The following INO80 variants were observed in gnomAD, a reference collection of about 807,000 sequenced individuals.
The protein encoded by INO80 is chromatin-remodeling ATPase INO80.
A neutral mutation model predicts 203.4 loss-of-function variants in INO80; 20 were observed. The ratio of observed to expected loss-of-function variants is 0.10; its 90% CI spans 0.07 to 0.14. INO80 has a LOEUF of 0.14. INO80 is among the 10% of genes least tolerant of loss of function. INO80 has a pLI of 1.00. For synonymous variants in INO80, 726 were observed against 685.2 expected (o/e 1.06, Z -0.93); for missense variants, 1,419 against 1,914.4 (o/e 0.74, Z 4.83).
chr15:41,076,128 A>C (rs1476173429), intron 9 of INO80, among the ~76,000 whole-genome samples: 1 of 152,180 alleles, frequency 6.6e-6, no homozygotes, highest in African/African-American at 2.4e-5. Context: ...TGGGAGACCA[A>C]GGCTGGCAGA....
rs554721874 is a variant in INO80, at chr15:40,994,223, C to T, written c.3570+3306G>A. Among the ~76,000 whole-genome samples, 9 of 152,234 alleles carry T rather than the reference C, an allele frequency of 5.9e-5. No individual in the cohort carries two copies. The East Asian group carries it at 7.7e-4, about 13-fold the overall frequency. ...TCTGCCAGGTATATGCTTAGGTTGC[C>T]GCCTTACTTTCTTCAGATCTTGGCT... On this transcript the variant is annotated intron_variant, in intron 29 of 35. Coordinates refer to ENST00000648947, the MANE Select transcript of INO80 (RefSeq NM_017553.3).
intron 29 of INO80, among the ~76,000 whole-genome samples, chr15:40,993,497 CCTGTAATCCCAGCA>C (rs2043841292): frequency 6.6e-6 from 1 of 152,144 alleles, no homozygotes; most frequent in African/African-American, 2.4e-5. Flanking sequence ...GTGGCTCACG[CCTGTAATCCCAGCA>C]CTTTGGGAGG....
chr15:41,043,837 T>C (rs1489562153), intron 24 of INO80, among the ~76,000 whole-genome samples: 1 of 152,198 alleles, frequency 6.6e-6, no homozygotes, highest in African/African-American at 2.4e-5. Context: ...ATAACTTCAG[T>C]TCCTGTCACC....
chr15:41,088,635 A>G (rs1229648957), intron 5 of INO80, among the ~76,000 whole-genome samples: 2 of 152,134 alleles, frequency 1.3e-5, no homozygotes, highest in African/African-American at 4.8e-5. Flanking sequence ...CCCAAATCTC[A>G]TATTAATTTT....
intron 28 of INO80, among the ~76,000 whole-genome samples, chr15:41,000,998 C>T (rs990074248): frequency 2.6e-5 from 4 of 152,226 alleles, no homozygotes; most frequent in African/African-American, 9.6e-5. Flanking sequence ...ATAAGAATTG[C>T]AGACACCTTG....
intron 25 of INO80, 87 bp from the exon 26 acceptor site, chr15:41,021,212 T>C (rs1199456638): frequency 1.2e-6 from 1 of 840,114 alleles, no homozygotes; most frequent in African/African-American, 1.7e-5. Flanking sequence ...GAAATCAGAC[T>C]AATGTGGATA....
intron 24 of INO80, among the ~76,000 whole-genome samples, chr15:41,039,615 A>C (rs1478181774): frequency 6.6e-6 from 1 of 152,226 alleles, no homozygotes; most frequent in Non-Finnish European, 1.5e-5. Flanking sequence ...GGTAGCCTAG[A>C]GCAATGAAAA....
chr15:40,987,753 G>C (rs2043760219), intron 30 of INO80, 63 bp downstream of exon 30: 1 of 1,449,732 alleles, frequency 6.9e-7, no homozygotes. Context: ...TCTCAATGCA[G>C]TCAATGTGGT....
At chr15:40,990,610 A>G (rs1050581977) in intron 29 of INO80, among the ~76,000 whole-genome samples, 4 of 152,238 alleles carry the variant, frequency 2.6e-5, no homozygotes, top group Admixed American at 6.5e-5. Flanking sequence ...GTCACCGTGA[A>G]TGCTTATTGT....
At chr15:41,093,730 C>T in intron 4 of INO80, among the ~76,000 whole-genome samples, 1 of 151,766 alleles carries the variant, frequency 6.6e-6, no homozygotes, top group East Asian at 2.0e-4. Context: ...GGCCTGTAGT[C>T]CTACTTCACA....
At position 40,982,884 on chromosome 15, in the gene INO80, T is replaced by TGCGGCATAGGCA; in HGVS notation, c.4419_4430dup (p.Ala1474_Ala1477dup). On this transcript the variant is annotated inframe_insertion, in exon 35 of 36. Coordinates refer to ENST00000648947, the MANE Select transcript of INO80 (RefSeq NM_017553.3). ...TACCTTTAGACACGTTGTACCCGTA[T>TGCGGCATAGGCA]GCGGCATAGGCAGCTGCAGAGGCCG... The TGCGGCATAGGCA allele has an allele frequency of 1.2e-6, 2 of 1,613,522 alleles. No individual in the cohort carries two copies. Among genetic ancestry groups the TGCGGCATAGGCA allele is most frequent in the Non-Finnish European group, 8.5e-7 (1 of 1,179,980 alleles).
At chr15:41,068,881 CAT>C (rs775098921) in intron 14 of INO80, among the ~76,000 whole-genome samples, 2 of 151,280 alleles carry the variant, frequency 1.3e-5, no homozygotes, top group East Asian at 3.9e-4. Context: ...AAAAACAAGA[CAT>C]GTATTAAAAA....
chr15:40,995,023 T>C (rs1174411554), intron 29 of INO80, among the ~76,000 whole-genome samples: 2 of 152,152 alleles, frequency 1.3e-5, no homozygotes, highest in Non-Finnish European at 2.9e-5. Flanking sequence ...ATACGGCTAA[T>C]TTTTGTATAT....
chr15:41,036,464 A>G (rs1431855487), intron 24 of INO80, among the ~76,000 whole-genome samples: 1 of 152,140 alleles, frequency 6.6e-6, no homozygotes, highest in Non-Finnish European at 1.5e-5. Context: ...AATAAGATCA[A>G]TGAATGATCA....
intron 18 of INO80, among the ~76,000 whole-genome samples, chr15:41,054,308 T>A (rs531554971): frequency 7.2e-5 from 11 of 152,344 alleles, no homozygotes; most frequent in African/African-American, 2.6e-4. Flanking sequence ...AAAAATTATC[T>A]GAGACTCTCA....
At chr15:40,985,476 A>C (rs1447484266) in intron 31 of INO80, 50 bp from the exon 32 acceptor site, 1 of 1,303,414 alleles carries the variant, frequency 7.7e-7, no homozygotes, top group Admixed American at 1.7e-5. Context: ...GGTAATCATA[A>C]TCCTCACTCT....
chr15:41,081,130 G>GTCT, intron 7 of INO80, 57 bp from the exon 8 acceptor site: 1 of 1,104,796 alleles, frequency 9.1e-7, no homozygotes, highest in Non-Finnish European at 1.4e-6. Flanking sequence ...CTAAGACTAT[G>GTCT]TAGAATGAAC....
In INO80 at chr15:40,980,316, C is replaced by T; in HGVS notation, c.4578G>A (p.Gly1526=). 6.2e-7 allele frequency: 1 copy of T among 1,613,970 alleles called. No homozygotes were observed. Among genetic ancestry groups the T allele is most frequent in the Admixed American group, 1.7e-5 (1 of 60,014 alleles). Residue 1526 remains glycine (G), a synonymous_variant, in exon 36 of 36, where the codon GGG becomes GGA. Coordinates refer to ENST00000648947, the MANE Select transcript of INO80 (RefSeq NM_017553.3). ...SPLSKGNNVP[G]NPKNLHMTSS... is the part of the protein sequence containing the mutation. ...TGGTCATGTGGAGGTTCTTGGGATT[C>T]CCAGGAACATTATTTCCCTTGCTCA...
At chr15:41,114,279 A>C (rs949902625) in intron 1 of INO80, among the ~76,000 whole-genome samples, 36 of 152,030 alleles carry the variant, frequency 2.4e-4, no homozygotes, top group African/African-American at 7.5e-4. Context: ...AAAACAAAAA[A>C]AAAAAAACAT....
Sources: allele counts gnomAD v4.1 joint callset (sites outside exome capture counted in the v4.1 genomes callset), GRCh38; gene constraint gnomAD v4.1.1; transcripts MANE v1.5; gene names NCBI Gene and HGNC (gene_info 2026-07-23, HGNC 2026-07-21).